The following ADAMTS2 variants were observed in gnomAD, a reference collection of about 807,000 sequenced individuals.
The protein encoded by ADAMTS2 is A disintegrin and metalloproteinase with thrombospondin motifs 2.
Under a neutral mutation model 123.0 loss-of-function variants are expected in ADAMTS2, and 50 were observed. The observed-to-expected ratio is 0.41, with a 90% CI of 0.32 to 0.51. The LOEUF is 0.51. Ranked by LOEUF, ADAMTS2 falls within the 20% of genes least tolerant of loss-of-function variation. The probability of loss-of-function intolerance (pLI) is 0.35; values close to 1 mark genes in which losing one functional copy is unlikely to be tolerated. For missense variants in ADAMTS2, 1,494 were observed against 1,705.2 expected, an observed-to-expected ratio of 0.88 and a Z score of 2.18; for synonymous variants, 678 against 695.4, an observed-to-expected ratio of 0.98 and a Z score of 0.39.
At chr5:179,319,162 C>T (rs942761494) in intron 2 of ADAMTS2, among the ~76,000 whole-genome samples, 1 of 152,164 alleles carries the variant, frequency 6.6e-6, no homozygotes, top group African/African-American at 2.4e-5. Context: ...TGTGCACTCA[C>T]ACGCAGGCGT....
chr5:179,335,370 A>G (rs1757588664), intron 2 of ADAMTS2, among the ~76,000 whole-genome samples: 1 of 152,184 alleles, frequency 6.6e-6, no homozygotes, highest in Admixed American at 6.6e-5. Flanking sequence ...CTGAAATCCA[A>G]TGTATATTTT....
chr5:179,130,228 T>C lies in ADAMTS2; in HGVS notation c.2291-130A>G. ...TGTCTCTCTGGCTGCCCCCGGCCAG[T>C]TTCCTCTGTGCCACGACAGCCCAGA... On this transcript the variant is annotated intron_variant, in intron 15 of 21. Transcript: ENST00000251582. The surrounding 1 kb of genome is among the most constrained non-coding windows in gnomAD (Gnocchi z 4.3). 1 of 1,181,094 alleles carries C rather than the reference T, an allele frequency of 8.5e-7. No individual in the cohort carries two copies. Among genetic ancestry groups the C allele is most frequent in the Non-Finnish European group, 1.2e-6 (1 of 814,872 alleles). The allele number at this position is 1,181,094 out of a possible 1,614,324, so 73.2% of individuals were successfully genotyped here.
chr5:179,309,757 C>CA (rs34487269), intron 2 of ADAMTS2, among the ~76,000 whole-genome samples: 3,456 of 44,422 alleles, frequency 0.078, 453 homozygotes, highest in East Asian at 0.13. Context: ...ACTCAGTCTC[C>CA]AAAAAAAAAA....
chr5:179,252,296 C>T (rs576192894), intron 3 of ADAMTS2, among the ~76,000 whole-genome samples: 53 of 152,258 alleles, frequency 3.5e-4, no homozygotes, highest in Middle Eastern at 3.4e-3. Context: ...AGGCACTTTG[C>T]TGCACCTGGC....
intron 2 of ADAMTS2, among the ~76,000 whole-genome samples, chr5:179,302,383 A>G (rs1756552558): frequency 7.2e-6 from 1 of 139,628 alleles, no homozygotes; most frequent in East Asian, 2.0e-4. Flanking sequence ...CCGTCTCAAA[A>G]AAAAAAAAAA....
intron 2 of ADAMTS2, among the ~76,000 whole-genome samples, chr5:179,279,711 T>C (rs1766837996): frequency 6.6e-6 from 1 of 152,220 alleles, no homozygotes; most frequent in African/African-American, 2.4e-5. Flanking sequence ...GGAAGTGTCA[T>C]TGAGTGGGAT....
At position 179,207,641 on chromosome 5, in the gene ADAMTS2, G is replaced by A. The variant is rs767850400; in HGVS notation, c.763C>T (p.Arg255Trp). 1.8e-5 allele frequency: 29 copies of A among 1,613,588 alleles called. No individual in the cohort carries two copies. In the Admixed American group the frequency reaches 1.8e-4, roughly 10 times the overall value. The change falls in exon 4 of 22, where the codon CGG becomes TGG. Residue 255 changes from arginine (R) to tryptophan (W), a missense_variant. This residue lies in a region of ADAMTS2 where 184 missense variants were observed against 152.1 expected (regional missense o/e 1.21). Transcript: ENST00000251582. Reference sequence around the variant, plus strand: ...TCCGCAGCATGCCTGCGTGCCCTCCGCCTCGAGCTGTTGGCGTGCTCCTCT... The same window carrying A: ...TCCGCAGCATGCCTGCGTGCCCTCCACCTCGAGCTGTTGGCGTGCTCCTCT... ...VLEEHANSSR[R>W]RARRHAADDD...
At chr5:179,296,069 C>T (rs1311212804) in intron 2 of ADAMTS2, among the ~76,000 whole-genome samples, 1 of 152,172 alleles carries the variant, frequency 6.6e-6, no homozygotes, top group South Asian at 2.1e-4. Context: ...AAGAGCAAAC[C>T]GAGGAGCTGG....
chr5:179,324,268 T>C (rs2054781), intron 2 of ADAMTS2, among the ~76,000 whole-genome samples: 100,406 of 152,090 alleles, frequency 0.66, 33,718 homozygotes, highest in African/African-American at 0.71. Flanking sequence ...GAATTTTACG[T>C]TATAAGTTGG....
At chr5:179,210,311 G>A (rs976284012) in intron 3 of ADAMTS2, among the ~76,000 whole-genome samples, 1 of 152,242 alleles carries the variant, frequency 6.6e-6, no homozygotes, top group African/African-American at 2.4e-5. Context: ...CATGGGTGCC[G>A]CATCGGGACA....
chr5:179,180,138 C>A lies in ADAMTS2; in HGVS notation c.975+934G>T, dbSNP rs1410761469. Among the ~76,000 whole-genome samples, 1 of 152,196 alleles carries A rather than the reference C, an allele frequency of 6.6e-6. No individual in the cohort carries two copies. The highest frequency in any genetic ancestry group is 6.5e-5 in the Admixed American group (1 of 15,288). On this transcript the variant is annotated intron_variant, in intron 5 of 21. Coordinates refer to ENST00000251582, the MANE Select transcript of ADAMTS2 (RefSeq NM_014244.5). The surrounding 1 kb of genome is among the most constrained non-coding windows in gnomAD (Gnocchi z 4.6). ...TGTAGATTAAGGGCATTCATCCATACAAAGTGCTTCCCACACGGCTGGTAC... is the reference window on the plus strand; with the variant it reads ...TGTAGATTAAGGGCATTCATCCATAAAAAGTGCTTCCCACACGGCTGGTAC...
In ADAMTS2 at chr5:179,125,086, T is replaced by C; in HGVS notation, c.2845A>G (p.Asn949Asp). The C allele has an allele frequency of 1.2e-6, 2 of 1,611,344 alleles. No individual in the cohort carries two copies. The highest frequency in any genetic ancestry group is 2.2e-5 in the South Asian group (2 of 90,808). Residue 949 changes from asparagine to aspartate, a missense_variant, in exon 19 of 22, where the codon AAC becomes GAC. Asn to Asp is a conservative substitution (Grantham distance 23, BLOSUM62 1). This residue lies in a region of ADAMTS2 where 953 missense variants were observed against 1,124.7 expected (regional missense o/e 0.85). Transcript: ENST00000251582. ...TTGGCGTGCACGGAGCGGGTGGTGT[T>C]GTCGTGTAGCGGCTGAATGCAGCGC... ...SVRCIQPLHD[N>D]TTRSVHAKHC...
chr5:179,245,905 C>T (rs1032251886), intron 3 of ADAMTS2, among the ~76,000 whole-genome samples: 13 of 149,654 alleles, frequency 8.7e-5, no homozygotes, highest in Admixed American at 1.3e-4. Flanking sequence ...AAGATGCATA[C>T]GACAAGGGAG....
At chr5:179,235,429 C>T (rs1244806316) in intron 3 of ADAMTS2, among the ~76,000 whole-genome samples, 2 of 152,202 alleles carry the variant, frequency 1.3e-5, no homozygotes, top group East Asian at 3.8e-4. Flanking sequence ...GAGCCAGATG[C>T]CAGCCTATGT....
At chr5:179,325,842 T>C (rs1377593465) in intron 2 of ADAMTS2, among the ~76,000 whole-genome samples, 1 of 151,704 alleles carries the variant, frequency 6.6e-6, no homozygotes, top group Non-Finnish European at 1.5e-5. Flanking sequence ...AGTGTGGACC[T>C]GGGGATGGCC....
chr5:179,246,099 T>C (rs80066788), intron 3 of ADAMTS2, among the ~76,000 whole-genome samples: 2,035 of 152,306 alleles, frequency 0.013, 42 homozygotes, highest in African/African-American at 0.046. Flanking sequence ...CAGTGGGTTA[T>C]GGTGTTTTAA....
chr5:179,271,743 G>A (rs1040071179), intron 3 of ADAMTS2, among the ~76,000 whole-genome samples: 10 of 152,248 alleles, frequency 6.6e-5, no homozygotes, highest in African/African-American at 2.4e-4. Context: ...CTTCCTGATG[G>A]AACAATTCCT....
At chr5:179,309,958 C>T (rs996736198) in intron 2 of ADAMTS2, among the ~76,000 whole-genome samples, 1 of 151,390 alleles carries the variant, frequency 6.6e-6, no homozygotes, top group Non-Finnish European at 1.5e-5. Flanking sequence ...TCCTCCCTGC[C>T]CCACCCCTGC....
At chr5:179,340,015 C>T (rs1423221795) in intron 2 of ADAMTS2, among the ~76,000 whole-genome samples, 1 of 152,244 alleles carries the variant, frequency 6.6e-6, no homozygotes, top group Non-Finnish European at 1.5e-5. Flanking sequence ...CGCAGGGGAG[C>T]CCCAGCCTGA....
Sources: allele counts gnomAD v4.1 joint callset (sites outside exome capture counted in the v4.1 genomes callset), GRCh38; gene constraint gnomAD v4.1.1; regional missense constraint gnomAD v4.1.1; non-coding constraint Gnocchi (gnomAD v3.1); transcripts MANE v1.5; gene names NCBI Gene and HGNC (gene_info 2026-07-23, HGNC 2026-07-21).